The following KCNMA1 variants were observed in gnomAD, a reference collection of about 807,000 sequenced individuals.
KCNMA1 encodes the protein Calcium-activated potassium channel subunit alpha-1.
Under a neutral mutation model 140.0 loss-of-function variants are expected in KCNMA1, and 29 were observed. The observed-to-expected ratio is 0.21, with a 90% confidence interval of 0.15 to 0.28. KCNMA1 has a LOEUF of 0.28. Ranked by LOEUF, KCNMA1 falls within the 10% of genes least tolerant of loss-of-function variation. KCNMA1 has a pLI of 1.00. For missense variants in KCNMA1, 880 were observed against 1,602.2 expected, an observed-to-expected ratio of 0.55 and a Z score of 7.70; for synonymous variants, 612 against 611.9, an observed-to-expected ratio of 1.00 and a Z score of 0.00.
chr10:77,097,875 G>A (rs904232367), intron 9 of KCNMA1, among the ~76,000 whole-genome samples: 2 of 152,318 alleles, frequency 1.3e-5, no homozygotes, highest in South Asian at 4.1e-4. Context: ...GGCAGGCTGT[G>A]CTGCTGTTTC....
At position 77,182,851 on chromosome 10, in the gene KCNMA1, C is replaced by G. The variant is rs189319451; in HGVS notation, c.808+570G>C. On this transcript the variant is annotated intron_variant, in intron 5 of 27. Coordinates refer to ENST00000286628, the MANE Select transcript of KCNMA1 (RefSeq NM_001161352.2). ...CCACTAAAGTGTTCTAGTCCTGGTC[C>G]AGGAGGTGCCCTGTACAGTACAGCC... Among the ~76,000 whole-genome samples, 254 of 152,246 alleles carry G rather than the reference C, an allele frequency of 1.7e-3. No individual in the cohort carries two copies. In the Middle Eastern group the frequency reaches 0.02, roughly 12 times the overall value.
chr10:77,268,201 T>A (rs1395103606), intron 2 of KCNMA1, among the ~76,000 whole-genome samples: 1 of 152,186 alleles, frequency 6.6e-6, no homozygotes, highest in Admixed American at 6.5e-5. Context: ...CAGTTGAGAA[T>A]CTGCAGTGCT....
At chr10:77,136,497 A>C (rs1408941289) in intron 5 of KCNMA1, among the ~76,000 whole-genome samples, 3 of 152,158 alleles carry the variant, frequency 2.0e-5, no homozygotes, top group Non-Finnish European at 4.4e-5. Context: ...TATACTTAAC[A>C]TTACTGAACT....
At chr10:77,020,902 C>G (rs889780925) in intron 16 of KCNMA1, 2 of 152,082 alleles carry the variant, frequency 1.3e-5, no homozygotes, top group Non-Finnish European at 2.9e-5. Context: ...ATCCCTAGAA[C>G]TCAACTTTCT....
rs768088364 is a variant in KCNMA1, at chr10:77,086,479, C to G, written c.1440+9G>C. ...GGAATAAAAGCAGAAGTCACCTCTT[C>G]CTCCTTACCTTGACTCTTGCAAGAT... is the stretch of plus-strand genomic sequence containing the variant. On this transcript the variant is annotated intron_variant, in intron 11 of 27. Coordinates refer to ENST00000286628, the MANE Select transcript of KCNMA1 (RefSeq NM_001161352.2). 1 of 1,592,722 alleles carries G rather than the reference C, an allele frequency of 6.3e-7. No individual in the cohort carries two copies. The highest frequency in any genetic ancestry group is 1.1e-5 in the South Asian group (1 of 90,660).
intron 5 of KCNMA1, among the ~76,000 whole-genome samples, chr10:77,178,767 T>C (rs2098776477): frequency 6.6e-6 from 1 of 152,118 alleles, no homozygotes; most frequent in African/African-American, 2.4e-5. Context: ...TTGACCTACC[T>C]TGGGGATACA....
intron 3 of KCNMA1, among the ~76,000 whole-genome samples, chr10:77,240,960 C>T (rs746417062): frequency 2.0e-5 from 3 of 152,202 alleles, no homozygotes; most frequent in Non-Finnish European, 4.4e-5. Context: ...TTTTCCAAAA[C>T]TCGGGAGAAA....
At chr10:77,254,794 A>G (rs1026620809) in intron 2 of KCNMA1, among the ~76,000 whole-genome samples, 1 of 152,166 alleles carries the variant, frequency 6.6e-6, no homozygotes, top group Admixed American at 6.5e-5. Flanking sequence ...GCAAGCTTCT[A>G]TAGTTTCAGG....
intron 3 of KCNMA1, among the ~76,000 whole-genome samples, chr10:77,248,922 C>T (rs1240925448): frequency 1.3e-5 from 2 of 152,144 alleles, no homozygotes; most frequent in Admixed American, 1.3e-4. Context: ...ATTGGGCCTG[C>T]CACCGGACAG....
At chr10:77,054,615 G>A (rs2095481568) in intron 14 of KCNMA1, among the ~76,000 whole-genome samples, 1 of 152,152 alleles carries the variant, frequency 6.6e-6, no homozygotes, top group Admixed American at 6.5e-5. Context: ...TGTATACAGA[G>A]TACAGCCATC....
intron 16 of KCNMA1, chr10:77,019,598 C>T (rs17388908): frequency 0.2 from 31,882 of 157,722 alleles, 4,308 homozygotes; most frequent in Non-Finnish European, 0.3. Context: ...TGGTACAAGA[C>T]ACCCGTAACC....
chr10:77,530,378 C>T (rs565244479), intron 1 of KCNMA1, among the ~76,000 whole-genome samples: 2 of 152,162 alleles, frequency 1.3e-5, no homozygotes, highest in East Asian at 1.9e-4. Context: ...TAATTTTTCC[C>T]TTTTGTAAAA....
intron 23 of KCNMA1, 25 bp downstream of exon 23, chr10:76,944,748 A>G (rs1447420934): frequency 1.1e-5 from 18 of 1,607,208 alleles, no homozygotes; most frequent in African/African-American, 2.7e-5. Context: ...AGGCACAGCA[A>G]AGAAGTATTA....
Position 77,508,321 on chromosome 10 carries a change from C to T in KCNMA1, c.379-104298G>A, listed in dbSNP as rs185006378. Among the ~76,000 whole-genome samples, 22 of 150,912 alleles carry T rather than the reference C, an allele frequency of 1.5e-4. No homozygotes were observed. The East Asian group carries it at 3.7e-3, about 26-fold the overall frequency. ...TCCTAAGTAGCTGGGACTACAGATA[C>T]GCATCACCATGCCTGGCTATTTTTT... On this transcript the variant is annotated intron_variant, in intron 1 of 27. Transcript: ENST00000286628.
At chr10:77,583,936 C>T (rs2076529637) in intron 1 of KCNMA1, among the ~76,000 whole-genome samples, 4 of 152,226 alleles carry the variant, frequency 2.6e-5, no homozygotes, top group African/African-American at 2.4e-5. Flanking sequence ...AAAAAAGGAA[C>T]TTTCCATTTC....
chr10:76,931,794 T>A (rs1002911682), intron 23 of KCNMA1, among the ~76,000 whole-genome samples: 3 of 152,064 alleles, frequency 2.0e-5, no homozygotes, highest in Non-Finnish European at 4.4e-5. Context: ...CTTCCTCAAC[T>A]CCTCTGTAGG....
intron 5 of KCNMA1, among the ~76,000 whole-genome samples, chr10:77,170,380 A>G (rs2098690901): frequency 6.6e-6 from 1 of 152,118 alleles, no homozygotes; most frequent in Admixed American, 6.5e-5. Flanking sequence ...CTGGACCCTA[A>G]GAGAGCCCTT....
At chr10:77,470,909 A>C in intron 1 of KCNMA1, among the ~76,000 whole-genome samples, 1 of 152,224 alleles carries the variant, frequency 6.6e-6, no homozygotes, top group East Asian at 1.9e-4. Context: ...TGAGGAGAAA[A>C]CCGGGGTGGG....
intron 2 of KCNMA1, among the ~76,000 whole-genome samples, chr10:77,273,684 G>A (rs1490044757): frequency 6.6e-6 from 1 of 152,218 alleles, no homozygotes; most frequent in Non-Finnish European, 1.5e-5. Context: ...TCAGGCAGGA[G>A]TGGCTGGGGA....
Sources: gnomAD v4.1 joint callset for allele counts (sites outside exome capture counted in the v4.1 genomes callset) on GRCh38, gnomAD v4.1.1 for gene constraint, MANE v1.5 for transcripts, NCBI Gene and HGNC (gene_info 2026-07-23, HGNC 2026-07-21) for gene names.